Variants in AFF3 observed in about 807,000 individuals in gnomAD.
AFF3 encodes AF4/FMR2 family member 3.
A neutral mutation model predicts 129.7 loss-of-function variants in AFF3; 32 were observed. That is an observed-to-expected ratio of 0.25 (90% confidence interval 0.19 to 0.33). The LOEUF is 0.33. AFF3 is among the 10% of genes least tolerant of loss of function. The pLI, the probability that AFF3 is intolerant of heterozygous loss-of-function variation, is 1.00. For synonymous variants in AFF3, 644 were observed against 635.4 expected (o/e 1.01, Z -0.20); for missense variants, 1,373 against 1,592.0 (o/e 0.86, Z 2.34).
chr2:99,823,154 G>A (rs1409906208), intron 8 of AFF3, among the ~76,000 whole-genome samples: 1 of 152,136 alleles, frequency 6.6e-6, no homozygotes, highest in Non-Finnish European at 1.5e-5. Context: ...TTCCAGAGCT[G>A]CAGCCTAGGT....
chr2:99,759,839 C>G (rs1050286936), intron 8 of AFF3, among the ~76,000 whole-genome samples: 1 of 152,118 alleles, frequency 6.6e-6, no homozygotes, highest in African/African-American at 2.4e-5. Context: ...AAATCAAGGG[C>G]GAATGGACTA....
intron 7 of AFF3, among the ~76,000 whole-genome samples, chr2:99,927,194 C>A (rs1249195132): frequency 6.6e-6 from 1 of 152,172 alleles, no homozygotes; most frequent in Non-Finnish European, 1.5e-5. Flanking sequence ...AAACAATTTT[C>A]CAAAGGTTTC....
chr2:99,848,303 G>T (rs1689883526), intron 7 of AFF3, among the ~76,000 whole-genome samples: 1 of 151,796 alleles, frequency 6.6e-6, no homozygotes, highest in African/African-American at 2.4e-5. Flanking sequence ...TATAAAAAAA[G>T]ACATCACATG....
intron 12 of AFF3, among the ~76,000 whole-genome samples, chr2:99,666,082 C>A (rs139620695): frequency 6.6e-6 from 1 of 152,128 alleles, no homozygotes; most frequent in African/African-American, 2.4e-5. Context: ...CCTCTCACAA[C>A]AGGAGGACAC....
intron 1 of AFF3, 94 bp downstream of exon 1, chr2:100,142,390 T>C (rs907749234): frequency 6.6e-6 from 1 of 152,236 alleles, no homozygotes; most frequent in African/African-American, 2.4e-5. Flanking sequence ...GCACAGCTAC[T>C]TAGAGCGCCA....
rs773012466 is a variant in AFF3 at position 99,594,110 on chromosome 2, G to A, written c.1551C>T (p.Ser517=). ...CGKVPDVCQP[S]LREKEIKSTC... is the part of the protein sequence containing the mutation. ...TGCTCTTGATCTCCTTCTCTCTCAG[G>A]CTGGGCTGGCAAACGTCGGGGACTT... Residue 517 remains serine (S), a synonymous_variant, in exon 15 of 25, where the codon AGC becomes AGT. Transcript: ENST00000672756. The A allele has an allele frequency of 1.5e-5, 25 of 1,613,860 alleles. No homozygotes were observed. The highest frequency in any genetic ancestry group is 1.4e-5 in the Non-Finnish European group (16 of 1,179,966).
At chr2:99,990,136 GGA>G (rs2104578647) in intron 7 of AFF3, among the ~76,000 whole-genome samples, 1 of 152,276 alleles carries the variant, frequency 6.6e-6, no homozygotes, top group Admixed American at 6.5e-5. Flanking sequence ...TACTCACAGA[GGA>G]GACATCCAGG....
intron 17 of AFF3, among the ~76,000 whole-genome samples, chr2:99,582,132 G>A (rs112181649): frequency 0.019 from 2,928 of 152,314 alleles, 107 homozygotes; most frequent in African/African-American, 0.066. Context: ...TGGGATTACA[G>A]GCATGAGCCA....
At chr2:99,982,102 G>A (rs569001618) in intron 7 of AFF3, among the ~76,000 whole-genome samples, 1 of 152,302 alleles carries the variant, frequency 6.6e-6, no homozygotes, top group East Asian at 1.9e-4. Flanking sequence ...AGGTGGGTGG[G>A]ACCAAACTAC....
intron 2 of AFF3, among the ~76,000 whole-genome samples, chr2:100,117,420 C>A (rs1473495269): frequency 6.6e-6 from 1 of 152,176 alleles, no homozygotes; most frequent in Non-Finnish European, 1.5e-5. Context: ...TCTTGTTAAA[C>A]CCATCCACTG....
chr2:99,756,300 T>G (rs1284405417), intron 8 of AFF3, among the ~76,000 whole-genome samples: 1 of 152,264 alleles, frequency 6.6e-6, no homozygotes, highest in Non-Finnish European at 1.5e-5. Flanking sequence ...ATTCCTAGTC[T>G]GTTCCTTTTT....
chr2:99,711,820 C>T (rs1302458617), intron 11 of AFF3, among the ~76,000 whole-genome samples: 4 of 152,182 alleles, frequency 2.6e-5, no homozygotes, highest in Admixed American at 6.5e-5. Flanking sequence ...GGAGGAAGCA[C>T]AGGCAGTCTG....
chr2:100,087,303 C>T (rs1220074382), intron 4 of AFF3, among the ~76,000 whole-genome samples: 1 of 151,982 alleles, frequency 6.6e-6, no homozygotes, highest in Non-Finnish European at 1.5e-5. Flanking sequence ...TATATCTTCC[C>T]ATCATGTAAC....
chr2:99,798,085 C>T (rs957312504), intron 8 of AFF3, among the ~76,000 whole-genome samples: 1 of 151,682 alleles, frequency 6.6e-6, no homozygotes, highest in Admixed American at 6.6e-5. Context: ...ATAACATATA[C>T]AAGTAAAATG....
chr2:99,901,372 C>T (rs905526563), intron 7 of AFF3, among the ~76,000 whole-genome samples: 18 of 152,216 alleles, frequency 1.2e-4, no homozygotes, highest in Non-Finnish European at 2.9e-5. Context: ...TTGGGCTGTG[C>T]AGCAATCTGT....
intron 4 of AFF3, among the ~76,000 whole-genome samples, chr2:100,032,187 G>A (rs1293351944): frequency 1.3e-5 from 2 of 152,276 alleles, no homozygotes; most frequent in African/African-American, 2.4e-5. Context: ...AGCACTTTGG[G>A]TGGGACAAGG....
chr2:99,727,537 G>A (rs1241370859), intron 10 of AFF3, among the ~76,000 whole-genome samples: 1 of 150,628 alleles, frequency 6.6e-6, no homozygotes, highest in Non-Finnish European at 1.5e-5. Flanking sequence ...AGGTCAGGCT[G>A]AATCAGAACT....
chr2:99,634,851 GCCC>G (rs1332720750), intron 13 of AFF3, among the ~76,000 whole-genome samples: 1 of 151,782 alleles, frequency 6.6e-6, no homozygotes, highest in African/African-American at 2.4e-5. Context: ...CTTGCAAGCA[GCCC>G]CCAGCAGAAT....
At chr2:99,724,092 C>T (rs1431157244) in intron 11 of AFF3, among the ~76,000 whole-genome samples, 4 of 152,040 alleles carry the variant, frequency 2.6e-5, no homozygotes, top group African/African-American at 9.7e-5. Context: ...TTTGCTCTGG[C>T]AGCCCTACCA....
Sources: allele counts gnomAD v4.1 joint callset (sites outside exome capture counted in the v4.1 genomes callset), GRCh38; gene constraint gnomAD v4.1.1; transcripts MANE v1.5; gene names NCBI Gene and HGNC (gene_info 2026-07-23, HGNC 2026-07-21).